Variants in CAMTA1 observed in about 807,000 individuals in gnomAD.
The protein encoded by CAMTA1 is calmodulin binding transcription activator 1, also known as calmodulin-binding transcription activator 1.
A neutral mutation model predicts 170.9 loss-of-function variants in CAMTA1; 27 were observed. That is an observed-to-expected ratio of 0.16 (90% CI 0.12 to 0.22). The LOEUF is 0.22. Among genes scored for constraint, CAMTA1 ranks in the 10% least tolerant of loss-of-function variants. The pLI is 1.00. For missense variants in CAMTA1, 1,619 were observed against 2,217.2 expected (o/e 0.73, Z 5.42); for synonymous variants, 833 against 891.5 (o/e 0.93, Z 1.17).
chr1:7,363,503 C>T (rs2085718902), intron 5 of CAMTA1, among the ~76,000 whole-genome samples: 1 of 152,152 alleles, frequency 6.6e-6, no homozygotes, highest in Admixed American at 6.5e-5. Flanking sequence ...AATCCTTCCT[C>T]TTACGCTGTC....
intron 5 of CAMTA1, among the ~76,000 whole-genome samples, chr1:7,436,365 G>A (rs1025682362): frequency 6.6e-6 from 1 of 152,336 alleles, no homozygotes; most frequent in Non-Finnish European, 1.5e-5. Flanking sequence ...GGAGGGAAAA[G>A]GGGAAGAGTG....
chr1:6,940,728 A>C (rs940453175), intron 3 of CAMTA1, among the ~76,000 whole-genome samples: 10 of 152,082 alleles, frequency 6.6e-5, no homozygotes, highest in Non-Finnish European at 1.5e-4. Context: ...CTCAGTGTGC[A>C]CTGGGGATTA....
intron 5 of CAMTA1, among the ~76,000 whole-genome samples, chr1:7,331,212 C>A (rs1163015097): frequency 6.6e-6 from 1 of 152,132 alleles, no homozygotes; most frequent in Non-Finnish European, 1.5e-5. Context: ...GCACTCCAGT[C>A]TGGGCAACAA....
At chr1:7,653,024 C>T (rs1176553461) in intron 7 of CAMTA1, among the ~76,000 whole-genome samples, 2 of 152,208 alleles carry the variant, frequency 1.3e-5, no homozygotes, top group African/African-American at 4.8e-5. Context: ...ACCTGAGCTT[C>T]TCAAACTTGA....
At chr1:7,091,482 G>C (rs1641456486) in intron 4 of CAMTA1, 111 bp downstream of exon 4, 1 of 817,048 alleles carries the variant, frequency 1.2e-6, no homozygotes, top group South Asian at 1.4e-5. Context: ...AAAATGCCAT[G>C]TTGTGCTGGA....
chr1:7,020,888 C>A (rs1701244225), intron 3 of CAMTA1, among the ~76,000 whole-genome samples: 1 of 152,202 alleles, frequency 6.6e-6, no homozygotes, highest in Non-Finnish European at 1.5e-5. Context: ...AGGTGATCCC[C>A]TGATTGTCCC....
chr1:6,830,287 G>A (rs1393511165), intron 3 of CAMTA1, among the ~76,000 whole-genome samples: 1 of 150,434 alleles, frequency 6.6e-6, no homozygotes, highest in Admixed American at 6.6e-5. Context: ...CTCGTGATCC[G>A]CCCGCCTTGG....
At chr1:6,902,072 C>CACACAAAAA (rs3986505) in intron 3 of CAMTA1, among the ~76,000 whole-genome samples, 7 of 88,472 alleles carry the variant, frequency 7.9e-5, no homozygotes, top group African/African-American at 1.1e-4. Flanking sequence ...CACACACACA[C>CACACAAAAA]AAAAAAAAAA....
chr1:7,022,661 T>A (rs1181286977), intron 3 of CAMTA1, among the ~76,000 whole-genome samples: 2 of 152,158 alleles, frequency 1.3e-5, no homozygotes, highest in Non-Finnish European at 2.9e-5. Context: ...GTTGGCCATA[T>A]GCTTCAGGGA....
chr1:7,569,274 C>CA (rs1183575728), intron 6 of CAMTA1, among the ~76,000 whole-genome samples: 2 of 126,824 alleles, frequency 1.6e-5, no homozygotes, highest in East Asian at 4.1e-4. Context: ...TCATCATCAT[C>CA]ACATCACCAT....
chr1:7,607,224 G>A (rs2095493042), intron 6 of CAMTA1, among the ~76,000 whole-genome samples: 1 of 151,188 alleles, frequency 6.6e-6, no homozygotes, highest in Non-Finnish European at 1.5e-5. Flanking sequence ...TGGAAGATAG[G>A]TGGATGGGCA....
rs1027707740 is a variant in CAMTA1 at position 7,144,512 on chromosome 1, G to A, written c.302+53141G>A. ...TTCAACCCCTCATGCTATCAGGACC[G>A]ATATATATAACACTAGGCAGGATTA... On this transcript the variant is annotated intron_variant, in intron 4 of 22. Transcript: ENST00000303635. This position sits in a 1 kb window ranked among gnomAD's most constrained non-coding sequence, Gnocchi z 4.0. Among the ~76,000 whole-genome samples, 4 of 152,062 alleles carry A rather than the reference G, an allele frequency of 2.6e-5. No homozygotes were observed. The highest frequency in any genetic ancestry group is 9.7e-5 in the African/African-American group (4 of 41,388).
At chr1:7,085,091 G>A (rs902566999) in intron 3 of CAMTA1, among the ~76,000 whole-genome samples, 3 of 152,136 alleles carry the variant, frequency 2.0e-5, no homozygotes, top group East Asian at 1.9e-4. Flanking sequence ...CCATCAACCC[G>A]TCATCTAGGA....
rs1666574547 is a variant in CAMTA1, at chr1:7,251,125, C to T, written c.438+1499C>T. Among the ~76,000 whole-genome samples the T allele has an allele frequency of 6.6e-6, 1 of 152,200 alleles. No individual in the cohort carries two copies. The highest frequency in any genetic ancestry group is 1.5e-5 in the Non-Finnish European group (1 of 68,028). The stretch of plus-strand genomic sequence containing the variant: ...TTCAAACTGGAAGTCACGGCAGCTC[C>T]TGTGCCCGTAGGCCCCTGGTATATT... On this transcript the variant is annotated intron_variant, in intron 5 of 22. Transcript: ENST00000303635. This position sits in a 1 kb window ranked among gnomAD's most constrained non-coding sequence, Gnocchi z 5.1.
rs796781049 is a variant in CAMTA1 at position 7,284,437 on chromosome 1, C to T, written c.438+34811C>T. Among the ~76,000 whole-genome samples the T allele has an allele frequency of 3.3e-5, 5 of 151,998 alleles. No individual in the cohort carries two copies. In the South Asian group the frequency reaches 6.2e-4, roughly 19 times the overall value. ...CAGGCTGGTCTTGAACTCCTGACCT[C>T]GTGATCTGCCCGCCTTGGCCTCCCA... On this transcript the variant is annotated intron_variant, in intron 5 of 22. Transcript: ENST00000303635.
rs995028261 is a variant in CAMTA1, at chr1:6,872,233, T to C, written c.234+47023T>C. 7.5e-4 allele frequency among the ~76,000 whole-genome samples: 113 copies of C among 150,176 alleles called. 2 individuals carry two copies. Among genetic ancestry groups the C allele is most frequent in the Admixed American group, 3.0e-3 (45 of 15,024 alleles). ...CCTTATCACACATACACCCTCACCA[T>C]CACCACCACCACCACCACCACCACC... On this transcript the variant is annotated intron_variant, in intron 3 of 22. Transcript: ENST00000303635.
chr1:7,138,791 T>G (rs1178077264), intron 4 of CAMTA1, among the ~76,000 whole-genome samples: 2 of 151,964 alleles, frequency 1.3e-5, no homozygotes, highest in East Asian at 3.9e-4. Context: ...TGTCAGGAGT[T>G]TGAGACCAGT....
At chr1:7,242,811 A>T (rs1046499558) in intron 4 of CAMTA1, among the ~76,000 whole-genome samples, 2 of 134,766 alleles carry the variant, frequency 1.5e-5, no homozygotes, top group African/African-American at 6.4e-5. Context: ...AATAAATAAA[A>T]ATTAGCCGGG....
chr1:7,453,708 C>T (rs2092884497), intron 5 of CAMTA1, among the ~76,000 whole-genome samples: 1 of 152,216 alleles, frequency 6.6e-6, no homozygotes, highest in Non-Finnish European at 1.5e-5. Context: ...GCCTTCCCTG[C>T]TCTCTCCTCA....
Sources: gnomAD v4.1 joint callset for allele counts (sites outside exome capture counted in the v4.1 genomes callset) on GRCh38, gnomAD v4.1.1 for gene constraint, Gnocchi (gnomAD v3.1) non-coding constraint, MANE v1.5 for transcripts, NCBI Gene and HGNC (gene_info 2026-07-23, HGNC 2026-07-21) for gene names.